The following TTN variants were observed in gnomAD, a reference collection of about 807,000 sequenced individuals.
The protein encoded by TTN is connectin.
Under a neutral mutation model 3,223.0 loss-of-function variants are expected in TTN, and 1,525 were observed. The ratio of observed to expected loss-of-function variants is 0.47; its 90% CI spans 0.45 to 0.49. The LOEUF (loss-of-function observed/expected upper bound fraction) is 0.49. TTN is among the 20% of genes least tolerant of loss of function. The pLI is 0.00. For missense variants in TTN, 40,786 were observed against 43,424.0 expected (o/e 0.94, Z 5.40); for synonymous variants, 14,094 against 15,161.0 (o/e 0.93, Z 5.17).
chr2:178,746,163 A>T (rs1320713892), intron 47 of TTN: 2 of 1,613,220 alleles, frequency 1.2e-6, no homozygotes, highest in Non-Finnish European at 1.7e-6. Flanking sequence ...TCTTTATACC[A>T]CTTAACTTCG....
Position 178,575,882 on chromosome 2 carries a change from A to G in TTN, c.70250T>C (p.Ile23417Thr), listed in dbSNP as rs201836227. 1.6e-4 allele frequency: 256 copies of G among 1,613,504 alleles called. No homozygotes were observed. In the African/African-American group the frequency reaches 3.0e-3, roughly 19 times the overall value. The change falls in exon 326 of 363, where the codon ATT (isoleucine) becomes ACT (threonine). Residue 23417 changes from isoleucine (I) to threonine (T), a missense_variant. By Grantham distance (89) the Ile-to-Thr change is moderately conservative. Transcript: ENST00000589042. This position sits in a 1 kb window ranked among gnomAD's most constrained non-coding sequence, Gnocchi z 4.0. ...RYDTGKFVMT[I>T]ENPAGKKSGF... ...ACTTTTCTTCCCAGCCGGGTTTTCA[A>G]TGGTCATGACAAATTTACCGGTATC...
rs1219819832 is a variant in TTN, at chr2:178,564,676, A to G, written c.81456T>C (p.Ile27152=). The G allele has an allele frequency of 6.2e-7, 1 of 1,613,374 alleles. No homozygotes were observed. The highest frequency in any genetic ancestry group is 8.5e-7 in the Non-Finnish European group (1 of 1,179,698). The stretch of plus-strand genomic sequence containing the variant: ...CTTTGCTAGGCTTGCCAATGCCAAC[A>G]ATATTTTCAGCAGAAACTTTGAACT... The part of the protein sequence containing the change: ...EYEFKVSAEN[I]VGIGKPSKVS... The change falls in exon 326 of 363, where the codon ATT becomes ATC. Residue 27152 remains isoleucine (I), a synonymous_variant. Coordinates refer to ENST00000589042, the MANE Select transcript of TTN (RefSeq NM_001267550.2).
intron 1 of TTN, among the ~76,000 whole-genome samples, chr2:178,806,060 C>T (rs1459442575): frequency 6.6e-6 from 1 of 152,146 alleles, no homozygotes; most frequent in Non-Finnish European, 1.5e-5. Context: ...ACTAAAACTT[C>T]ATGGAGCAAT....
rs1405797183 is a variant in TTN at position 178,751,817 on chromosome 2, A to G, written c.11311+1307T>C. Reference sequence around the variant, plus strand: ...AGTCATTTCTGGAGTTGGACAGGCAATTAATCTACATGTAAAAACAACCGG... The same window carrying G: ...AGTCATTTCTGGAGTTGGACAGGCAGTTAATCTACATGTAAAAACAACCGG... On this transcript the variant is annotated intron_variant, in intron 47 of 362. Coordinates refer to ENST00000589042, the MANE Select transcript of TTN (RefSeq NM_001267550.2). 1.9e-6 allele frequency: 3 copies of G among 1,612,980 alleles called. No individual in the cohort carries two copies. The highest frequency in any genetic ancestry group is 2.5e-6 in the Non-Finnish European group (3 of 1,179,390).
intron 78 of TTN, 55 bp downstream of exon 78, chr2:178,721,792 A>G: frequency 7.0e-7 from 1 of 1,433,130 alleles, no homozygotes; most frequent in East Asian, 2.4e-5. Flanking sequence ...CTTTTATAAG[A>G]CAATTATGCA....
Position 178,551,765 on chromosome 2 carries a change from T to C in TTN, c.91135A>G (p.Ile30379Val), listed in dbSNP as rs746319162. The change falls in exon 335 of 363, where the codon ATC becomes GTC. Residue 30379 changes from isoleucine to valine, a missense_variant. Coordinates refer to ENST00000589042, the MANE Select transcript of TTN (RefSeq NM_001267550.2). ...ILWQKVNTSP[I>V]SGREYRATGL... The stretch of plus-strand genomic sequence containing the variant: ...GTGGCTCTATATTCTCTTCCAGAGA[T>C]TGGTGATGTATTAACTTTTTGCCAG... 3 of 1,613,866 alleles carry C rather than the reference T, an allele frequency of 1.9e-6. No homozygotes were observed. Among genetic ancestry groups the C allele is most frequent in the South Asian group, 1.1e-5 (1 of 91,086 alleles).
At chr2:178,677,996 C>T (rs1038843375) in intron 145 of TTN, 79 bp from the exon 146 acceptor site, 4 of 1,561,452 alleles carry the variant, frequency 2.6e-6, no homozygotes, top group Admixed American at 4.3e-5. Flanking sequence ...TTATGAAAGG[C>T]AAATATTCTG....
Position 178,550,285 on chromosome 2 carries a change from A to T in TTN, c.91565-12T>A. ...TACTATTGGTGGAACTATAAAAGAAAGAGAAATACTATGTATTAGTTTGGC... is the reference window on the plus strand; with the variant it reads ...TACTATTGGTGGAACTATAAAAGAATGAGAAATACTATGTATTAGTTTGGC... On this transcript the variant is annotated splice_polypyrimidine_tract_variant and intron_variant, in intron 336 of 362. Transcript: ENST00000589042. 2 of 1,597,194 alleles carry T rather than the reference A, an allele frequency of 1.3e-6. No individual in the cohort carries two copies. The highest frequency in any genetic ancestry group is 1.7e-6 in the Non-Finnish European group (2 of 1,171,682).
chr2:178,601,482 G>A lies in TTN; in HGVS notation c.55515C>T (p.Asp18505=), dbSNP rs141323535. Residue 18505 remains aspartate (D), a synonymous_variant, in exon 287 of 363, where the codon GAC becomes GAT. Transcript: ENST00000589042. The part of the protein sequence containing the change: ...SCRLSWKMPD[D]DGGDRIKGYV... ...AGCCTTTGATCCTGTCTCCTCCATC[G>A]TCGTCTGGCATCTTCCATGAAAGTC... 2.0e-5 allele frequency: 32 copies of A among 1,612,882 alleles called. No individual in the cohort carries two copies. The African/African-American group carries it at 2.0e-4, about 10-fold the overall frequency.
chr2:178,577,714 A>C lies in TTN; in HGVS notation c.68712T>G (p.Thr22904=). 6.2e-7 allele frequency: 1 copy of C among 1,613,426 alleles called. No homozygotes were observed. Among genetic ancestry groups the C allele is most frequent in the Non-Finnish European group, 8.5e-7 (1 of 1,179,594 alleles). Residue 22904 remains threonine, a synonymous_variant, in exon 323 of 363, where the codon ACT becomes ACG. Transcript: ENST00000589042. The part of the protein sequence containing the change: ...VNVPECAFTV[T]DLVEGGKYEF... ...CATATTTTCCACCCTCAACAAGGTC[A>C]GTTACAGTAAAGGCACATTCTGGGA...
At chr2:178,673,852 G>C in intron 151 of TTN, 142 bp from the exon 152 acceptor site, 1 of 626,914 alleles carries the variant, frequency 1.6e-6, no homozygotes, top group South Asian at 2.2e-5. Context: ...TAAATGTGGA[G>C]TAGGAACCCT....
intron 208 of TTN, 123 bp from the exon 209 acceptor site, chr2:178,650,957 A>C: frequency 9.5e-7 from 1 of 1,055,522 alleles, no homozygotes; most frequent in Non-Finnish European, 1.4e-6. Flanking sequence ...TTTCACAATA[A>C]GGTCAGTGAT....
intron 47 of TTN, chr2:178,751,686 C>T: frequency 6.2e-7 from 1 of 1,613,274 alleles, no homozygotes; most frequent in Non-Finnish European, 8.5e-7. Flanking sequence ...GAATCTCTGT[C>T]TTGGACCCTT....
chr2:178,651,456 T>G lies in TTN; in HGVS notation c.39544A>C (p.Lys13182Gln). ...VPKKPEAPPA[K>Q]VPEVPKEVVP... ...AACAGTGGACAGCCACATATACCTT[T>G]AGCAGGTGGGGCTTCTGGCTTTTTG... The change falls in exon 207 of 363, where the codon AAA becomes CAA. Residue 13182 changes from lysine (K) to glutamine (Q), a missense_variant. Lys to Gln is a moderately conservative substitution (Grantham distance 53). Coordinates refer to ENST00000589042, the MANE Select transcript of TTN (RefSeq NM_001267550.2). 6.2e-7 allele frequency: 1 copy of G among 1,610,126 alleles called. No individual in the cohort carries two copies.
chr2:178,585,484 T>C (rs146320691), intron 308 of TTN, 137 bp from the exon 309 acceptor site: 5 of 875,978 alleles, frequency 5.7e-6, no homozygotes, highest in African/African-American at 1.7e-5. Context: ...GGGATACATA[T>C]GCAGAATGTG....
intron 78 of TTN, 146 bp from the exon 79 acceptor site, chr2:178,721,348 A>T: frequency 1.4e-6 from 1 of 702,568 alleles, no homozygotes; most frequent in Non-Finnish European, 2.0e-6. Context: ...CAGTAAAATA[A>T]GTTATCTTTT....
Position 178,728,127 on chromosome 2 carries a change from C to G in TTN, c.19697G>C (p.Gly6566Ala), listed in dbSNP as rs1052515116. Reference protein sequence around the residue: ...SNVAGDDACSGILTVKEPPSF... With the variant: ...SNVAGDDACSAILTVKEPPSF... Reference sequence around the variant, plus strand: ...ATTCTAACCTTTCACAGTTAAGATGCCACTGCATGCATCATCTCCTGCTAC... The same window carrying G: ...ATTCTAACCTTTCACAGTTAAGATGGCACTGCATGCATCATCTCCTGCTAC... The change falls in exon 67 of 363, where the codon GGC becomes GCC. Residue 6566 changes from glycine to alanine, a missense_variant. Physicochemically the swap from Gly to Ala is moderately conservative, Grantham distance 60 (BLOSUM62 0). Transcript: ENST00000589042. The G allele has an allele frequency of 1.2e-5, 19 of 1,587,054 alleles. No individual in the cohort carries two copies. In the Admixed American group the frequency reaches 3.0e-4, roughly 25 times the overall value.
At position 178,569,393 on chromosome 2, in the gene TTN, G is replaced by T. The variant is rs56372592; in HGVS notation, c.76739C>A (p.Thr25580Lys). Residue 25580 changes from threonine to lysine, a missense_variant, in exon 326 of 363, where the codon ACG (threonine) becomes AAG (lysine). Transcript: ENST00000589042. ...TCCACTGCTGTTTTCTAATGTAAGC[G>T]TATATTTTCCACTATCATATCGGTT... Reference protein sequence around the residue: ...NVNRYDSGKYTLTLENSSGTK... With the variant: ...NVNRYDSGKYKLTLENSSGTK... The T allele has an allele frequency of 6.5e-4, 1,051 of 1,613,202 alleles. 1 individual carries two copies. The highest frequency in any genetic ancestry group is 8.5e-4 in the Non-Finnish European group (1,002 of 1,179,558).
Position 178,584,892 on chromosome 2 carries a change from G to A in TTN, c.64749C>T (p.Ile21583=), listed in dbSNP as rs2048582964. ...DADACSLSWH[I]PLEDGGSNIT... is the part of the protein sequence containing the mutation. Reference sequence around the variant, plus strand: ...TGTTACTGCCTCCGTCCTCCAGAGGGATGTGCCATGACAGGGAGCAAGCAT... The same window carrying A: ...TGTTACTGCCTCCGTCCTCCAGAGGAATGTGCCATGACAGGGAGCAAGCAT... The change falls in exon 310 of 363, where the codon ATC becomes ATT. Residue 21583 remains isoleucine (I), a synonymous_variant. Coordinates refer to ENST00000589042, the MANE Select transcript of TTN (RefSeq NM_001267550.2). 3 of 1,613,232 alleles carry A rather than the reference G, an allele frequency of 1.9e-6. No homozygotes were observed. In the South Asian group the frequency reaches 3.3e-5, roughly 18 times the overall value.
Sources: gnomAD v4.1 joint callset for allele counts (sites outside exome capture counted in the v4.1 genomes callset) on GRCh38, gnomAD v4.1.1 for gene constraint, Gnocchi (gnomAD v3.1) non-coding constraint, MANE v1.5 for transcripts, NCBI Gene and HGNC (gene_info 2026-07-23, HGNC 2026-07-21) for gene names.